The following DNAJC7 variants were observed in gnomAD, a reference collection of about 807,000 sequenced individuals.
The protein encoded by DNAJC7 is DnaJ heat shock protein family (Hsp40) member C7, also known as dnaJ homolog subfamily C member 7.
In DNAJC7, 18 loss-of-function variants were observed where a neutral mutation model predicts 67.4. The ratio of observed to expected loss-of-function variants is 0.27; its 90% CI spans 0.18 to 0.40. The LOEUF (loss-of-function observed/expected upper bound fraction) is 0.40. Ranked by LOEUF, DNAJC7 falls within the 10% of genes least tolerant of loss-of-function variation. The pLI is 1.00. For synonymous variants in DNAJC7, 220 were observed against 207.8 expected (o/e 1.06, Z -0.50); for missense variants, 419 against 613.8 (o/e 0.68, Z 3.35).
chr17:41,979,647 G>T (rs2051191872), intron 12 of DNAJC7, among the ~76,000 whole-genome samples: 1 of 90,344 alleles, frequency 1.1e-5, no homozygotes, highest in African/African-American at 4.3e-5. Context: ...ACCCAGACTG[G>T]GCTCAGTCTT....
intron 1 of DNAJC7, among the ~76,000 whole-genome samples, chr17:42,007,083 C>A (rs781959089): frequency 6.7e-6 from 1 of 149,850 alleles, no homozygotes; most frequent in Admixed American, 6.7e-5. Context: ...GCCTGGGCAA[C>A]AGAGCAAGAT....
chr17:42,014,754 T>TAGTAA (rs2052219223), intron 1 of DNAJC7: 1 of 152,058 alleles, frequency 6.6e-6, no homozygotes, highest in African/African-American at 2.4e-5. Flanking sequence ...AGATGGGGTT[T>TAGTAA]CACCGTATTA....
intron 2 of DNAJC7, among the ~76,000 whole-genome samples, chr17:41,998,376 G>A (rs1205256705): frequency 6.6e-6 from 1 of 152,180 alleles, no homozygotes; most frequent in Non-Finnish European, 1.5e-5. Context: ...GGTGGCTAAG[G>A]CATGAAAATC....
chr17:42,001,758 T>A (rs1230954322), intron 1 of DNAJC7, among the ~76,000 whole-genome samples: 1 of 152,112 alleles, frequency 6.6e-6, no homozygotes, highest in Non-Finnish European at 1.5e-5. Context: ...ATTAGGGAGA[T>A]TTGTGATTTA....
intron 1 of DNAJC7, among the ~76,000 whole-genome samples, chr17:42,009,763 T>C (rs943019694): frequency 6.6e-6 from 1 of 152,164 alleles, no homozygotes; most frequent in African/African-American, 2.4e-5. Context: ...CCATTTTCCA[T>C]CCCTCGGTTC....
At chr17:41,979,534 T>C (rs1337977616) in intron 12 of DNAJC7, among the ~76,000 whole-genome samples, 3 of 148,176 alleles carry the variant, frequency 2.0e-5, no homozygotes, top group African/African-American at 7.5e-5. Context: ...TAGCTAGGCA[T>C]GGGGGTGGAT....
intron 5 of DNAJC7, among the ~76,000 whole-genome samples, chr17:41,993,195 C>G (rs1006434473): frequency 6.6e-6 from 1 of 152,200 alleles, no homozygotes; most frequent in Non-Finnish European, 1.5e-5. Context: ...CGTGGTGGCT[C>G]ACGCCTGTAA....
At chr17:42,012,165 G>A (rs1240550813) in intron 1 of DNAJC7, among the ~76,000 whole-genome samples, 1 of 152,244 alleles carries the variant, frequency 6.6e-6, no homozygotes, top group Non-Finnish European at 1.5e-5. Context: ...GGTATATGCT[G>A]AGACACGTAA....
chr17:41,992,265 C>T (rs2051528788), intron 5 of DNAJC7, among the ~76,000 whole-genome samples: 2 of 152,194 alleles, frequency 1.3e-5, no homozygotes, highest in East Asian at 1.9e-4. Context: ...CTCTGCCTCC[C>T]GGGTTCAAGC....
intron 9 of DNAJC7, chr17:41,985,473 T>A (rs1254136584): frequency 6.6e-6 from 1 of 151,514 alleles, no homozygotes; most frequent in African/African-American, 2.4e-5. Context: ...TATAGAATGA[T>A]GTGACAAATG....
Position 41,989,644 on chromosome 17 carries a change from C to A in DNAJC7, c.600-87G>T, listed in dbSNP as rs1177238962. On this transcript the variant is annotated intron_variant, in intron 6 of 13. Coordinates refer to ENST00000457167, the MANE Select transcript of DNAJC7 (RefSeq NM_003315.4). ...ATTTGTGGCCAGTTTTCCTCCTTGA[C>A]CATGTGTCTAGCATTCAAAATATCC... 3 of 1,523,362 alleles carry A rather than the reference C, an allele frequency of 2.0e-6. No individual in the cohort carries two copies. In the East Asian group the frequency reaches 6.8e-5, roughly 35 times the overall value. The allele number at this position is 1,523,362 out of a possible 1,614,324, so 94.4% of individuals were successfully genotyped here.
rs1333576872 is a variant in DNAJC7, at chr17:42,000,588, A to G, written c.78-18T>C. 2.5e-6 allele frequency: 4 copies of G among 1,580,886 alleles called. No individual in the cohort carries two copies. The African/African-American group carries it at 4.1e-5, about 16-fold the overall frequency. On this transcript the variant is annotated intron_variant, in intron 1 of 13. Transcript: ENST00000457167. ...CTGCTTCCCTGAAAATGAAAGAGAAAGAGAATCATGTTACTTTACAAAGGG... is the reference window on the plus strand; with the variant it reads ...CTGCTTCCCTGAAAATGAAAGAGAAGGAGAATCATGTTACTTTACAAAGGG...
intron 6 of DNAJC7, among the ~76,000 whole-genome samples, chr17:41,989,768 A>G (rs535017871): frequency 6.7e-6 from 1 of 150,244 alleles, no homozygotes; most frequent in South Asian, 2.1e-4. Flanking sequence ...AATCCTTATT[A>G]AACTAGAACA....
chr17:41,980,911 G>A (rs2051232338), intron 12 of DNAJC7, among the ~76,000 whole-genome samples: 1 of 152,154 alleles, frequency 6.6e-6, no homozygotes, highest in South Asian at 2.1e-4. Flanking sequence ...ACCACATACA[G>A]CCCTTATGGC....
chr17:41,992,771 G>C (rs1270141191), intron 5 of DNAJC7: 1 of 152,192 alleles, frequency 6.6e-6, no homozygotes, highest in East Asian at 1.9e-4. Context: ...CCCCTGCCAG[G>C]ATCATAATTC....
At chr17:41,995,052 A>G in intron 4 of DNAJC7, 108 bp from the exon 5 acceptor site, 3 of 913,370 alleles carry the variant, frequency 3.3e-6, no homozygotes, top group Non-Finnish European at 3.5e-6. Flanking sequence ...AATATACCAC[A>G]CTGCCTCTTT....
intron 6 of DNAJC7, among the ~76,000 whole-genome samples, chr17:41,989,900 G>A (rs2051470618): frequency 6.6e-6 from 1 of 152,208 alleles, no homozygotes; most frequent in African/African-American, 2.4e-5. Flanking sequence ...CCTTTGCACT[G>A]CAATGGCAGA....
intron 13 of DNAJC7, 124 bp downstream of exon 13, chr17:41,977,137 C>T (rs1322187499): frequency 1.0e-6 from 1 of 977,822 alleles, no homozygotes; most frequent in African/African-American, 1.6e-5. Context: ...GATAGATGCC[C>T]TGCTAGATGA....
rs781918630 is a variant in DNAJC7, at chr17:41,996,410, C to T, written c.306G>A (p.Glu102=). ...DDSFVRGHLR[E]GKCHLSLGNA... ...TCCCCAGAGAGAGGTGGCACTTGCC[C>T]TCTCGTAGATGTCCCTAAAAGAACA... Residue 102 remains glutamate (E), a synonymous_variant, in exon 4 of 14, where the codon GAG becomes GAA. Coordinates refer to ENST00000457167, the MANE Select transcript of DNAJC7 (RefSeq NM_003315.4). 7.4e-6 allele frequency: 12 copies of T among 1,613,892 alleles called. No individual in the cohort carries two copies. Among genetic ancestry groups the T allele is most frequent in the Non-Finnish European group, 8.5e-7 (1 of 1,179,864 alleles).
Sources: allele counts gnomAD v4.1 joint callset (sites outside exome capture counted in the v4.1 genomes callset), GRCh38; gene constraint gnomAD v4.1.1; transcripts MANE v1.5; gene names NCBI Gene and HGNC (gene_info 2026-07-23, HGNC 2026-07-21).